Variants in LMX1A observed in about 807,000 individuals in gnomAD.
LMX1A encodes the protein LIM homeobox transcription factor 1-alpha.
Under a neutral mutation model 49.1 loss-of-function variants are expected in LMX1A, and 15 were observed. That is an observed-to-expected ratio of 0.31 (90% CI 0.20 to 0.47). The LOEUF (loss-of-function observed/expected upper bound fraction) is 0.47. Ranked by LOEUF, LMX1A falls within the 20% of genes least tolerant of loss-of-function variation. LMX1A has a pLI of 1.00. For missense variants in LMX1A, 372 were observed against 475.8 expected (o/e 0.78, Z 2.03); for synonymous variants, 167 against 185.7 (o/e 0.90, Z 0.82).
intron 3 of LMX1A, among the ~76,000 whole-genome samples, chr1:165,291,880 G>A (rs1255842043): frequency 1.3e-5 from 2 of 151,782 alleles, no homozygotes; most frequent in African/African-American, 4.8e-5. Flanking sequence ...TGGCTAACAC[G>A]GTGAAACCCC....
intron 4 of LMX1A, among the ~76,000 whole-genome samples, chr1:165,232,884 G>A (rs977027926): frequency 3.3e-5 from 5 of 152,112 alleles, no homozygotes; most frequent in African/African-American, 1.2e-4. Context: ...ATATGAAAAG[G>A]GCACTTTGGT....
intron 4 of LMX1A, among the ~76,000 whole-genome samples, chr1:165,244,170 G>T (rs531450085): frequency 1.1e-4 from 16 of 152,352 alleles, no homozygotes; most frequent in Middle Eastern, 3.4e-3. Flanking sequence ...CTGGAGGGGT[G>T]CATCCAGAGA....
intron 3 of LMX1A, among the ~76,000 whole-genome samples, chr1:165,263,513 G>C (rs553922873): frequency 6.6e-6 from 1 of 152,144 alleles, no homozygotes; most frequent in Non-Finnish European, 1.5e-5. Context: ...TCAAAGAATA[G>C]CCAGGACAGT....
At chr1:165,250,408 A>G (rs1332349201) in intron 3 of LMX1A, among the ~76,000 whole-genome samples, 4 of 152,172 alleles carry the variant, frequency 2.6e-5, no homozygotes, top group Non-Finnish European at 5.9e-5. Context: ...AACAATAACA[A>G]AAATGTCCAG....
intron 8 of LMX1A, 102 bp from the exon 9 acceptor site, chr1:165,204,142 C>G: frequency 7.9e-7 from 1 of 1,268,364 alleles, no homozygotes; most frequent in South Asian, 1.4e-5. Context: ...TGAGCACAGG[C>G]TCCAGGTGAA....
chr1:165,252,951 T>C (rs983884666), intron 3 of LMX1A, among the ~76,000 whole-genome samples: 1 of 152,246 alleles, frequency 6.6e-6, no homozygotes, highest in African/African-American at 2.4e-5. Context: ...TTCTTTTCAT[T>C]CATTCTTTCA....
chr1:165,208,361 T>G (rs893855765), intron 6 of LMX1A, among the ~76,000 whole-genome samples: 2 of 152,186 alleles, frequency 1.3e-5, no homozygotes, highest in African/African-American at 4.8e-5. Flanking sequence ...GAAGCAGGGG[T>G]GCAGCTTGTC....
chr1:165,235,160 G>C (rs1375150102), intron 4 of LMX1A, among the ~76,000 whole-genome samples: 2 of 135,778 alleles, frequency 1.5e-5, no homozygotes, highest in African/African-American at 6.3e-5. Flanking sequence ...GAGCGTATAG[G>C]GGGCGATGCA....
At chr1:165,333,314 C>T (rs181187609) in intron 3 of LMX1A, among the ~76,000 whole-genome samples, 35 of 152,256 alleles carry the variant, frequency 2.3e-4, no homozygotes, top group Admixed American at 1.4e-3. Flanking sequence ...TGTGCCACCA[C>T]GCCCGGCTAA....
At chr1:165,250,754 G>A (rs146329805) in intron 3 of LMX1A, among the ~76,000 whole-genome samples, 73 of 152,340 alleles carry the variant, frequency 4.8e-4, no homozygotes, top group African/African-American at 1.8e-3. Flanking sequence ...GAGGGCTGTG[G>A]GAGTACAGAG....
At chr1:165,278,237 G>T (rs1003464758) in intron 3 of LMX1A, among the ~76,000 whole-genome samples, 3 of 152,138 alleles carry the variant, frequency 2.0e-5, no homozygotes, top group African/African-American at 7.2e-5. Flanking sequence ...TCTCACAGAG[G>T]TCCATGACCT....
intron 4 of LMX1A, among the ~76,000 whole-genome samples, chr1:165,228,769 C>T (rs1014626193): frequency 6.6e-6 from 1 of 152,146 alleles, no homozygotes; most frequent in African/African-American, 2.4e-5. Flanking sequence ...GAAATTAGTA[C>T]TAAAGTTCTA....
chr1:165,259,922 T>C (rs947814290), intron 3 of LMX1A, among the ~76,000 whole-genome samples: 2 of 152,142 alleles, frequency 1.3e-5, no homozygotes, highest in Non-Finnish European at 2.9e-5. Flanking sequence ...CCCCTCTTCT[T>C]TGTTGAAACC....
At chr1:165,252,215 A>G (rs1377050448) in intron 3 of LMX1A, among the ~76,000 whole-genome samples, 1 of 152,190 alleles carries the variant, frequency 6.6e-6, no homozygotes, top group Non-Finnish European at 1.5e-5. Flanking sequence ...AAAAGTTGAT[A>G]TTATTTGACT....
chr1:165,292,230 C>T (rs1372504544), intron 3 of LMX1A, among the ~76,000 whole-genome samples: 3 of 152,108 alleles, frequency 2.0e-5, no homozygotes, highest in Non-Finnish European at 2.9e-5. Context: ...CAATAGGATG[C>T]TAGATTTTTT....
intron 3 of LMX1A, among the ~76,000 whole-genome samples, chr1:165,304,769 ACTT>A (rs1268093159): frequency 1.3e-5 from 2 of 152,068 alleles, no homozygotes; most frequent in African/African-American, 4.8e-5. Context: ...GCAATGCTGA[ACTT>A]CTTTTTTCTC....
chr1:165,271,569 G>A (rs1340645430), intron 3 of LMX1A, among the ~76,000 whole-genome samples: 2 of 152,164 alleles, frequency 1.3e-5, no homozygotes, highest in East Asian at 3.9e-4. Context: ...CGAAGTACAT[G>A]GATCCTGCAG....
At chr1:165,351,760 G>A (rs1391982967) in intron 3 of LMX1A, among the ~76,000 whole-genome samples, 1 of 152,204 alleles carries the variant, frequency 6.6e-6, no homozygotes, top group Non-Finnish European at 1.5e-5. Context: ...TAATCACTTT[G>A]TCAAGTTTTT....
At chr1:165,351,861 CT>C (rs1656440848) in intron 3 of LMX1A, among the ~76,000 whole-genome samples, 1 of 152,250 alleles carries the variant, frequency 6.6e-6, no homozygotes, top group African/African-American at 2.4e-5. Flanking sequence ...CGTTCAGCCC[CT>C]CTCACTGTGT....
Sources: gnomAD v4.1 joint callset for allele counts (sites outside exome capture counted in the v4.1 genomes callset) on GRCh38, gnomAD v4.1.1 for gene constraint, MANE v1.5 for transcripts, NCBI Gene and HGNC (gene_info 2026-07-23, HGNC 2026-07-21) for gene names.